Variants in ZNHIT6 observed in about 807,000 individuals in gnomAD.
ZNHIT6 encodes box C/D snoRNA protein 1.
ZNHIT6 carries 45 observed loss-of-function variants against 57.2 expected under a neutral mutation model. That is an observed-to-expected ratio of 0.79 (90% CI 0.62 to 1.01). ZNHIT6 has a LOEUF of 1.01. Ranked by LOEUF, ZNHIT6 falls within the 50% of genes least tolerant of loss-of-function variation. The probability of loss-of-function intolerance (pLI) is 0.00; values close to 1 mark genes in which losing one functional copy is unlikely to be tolerated. For synonymous variants in ZNHIT6, 188 were observed against 190.0 expected (o/e 0.99, Z 0.09); for missense variants, 528 against 567.3 (o/e 0.93, Z 0.70).
Position 85,696,652 on chromosome 1 carries a change from A to T in ZNHIT6, c.1019+5505T>A, listed in dbSNP as rs145114193. ...CTTATAACATTTTAAGATGTAATAT[A>T]CATTTTATACAATAAAATATATAAC... On this transcript the variant is annotated intron_variant, in intron 5 of 9. Transcript: ENST00000370574. Among the ~76,000 whole-genome samples, 330 of 152,222 alleles carry T rather than the reference A, an allele frequency of 2.2e-3. 7 individuals are homozygous for T. The East Asian group carries it at 0.038, about 17-fold the overall frequency.
Position 85,707,703 on chromosome 1 carries a change from C to A in ZNHIT6, c.582G>T (p.Val194=). 6.2e-7 allele frequency: 1 copy of A among 1,608,390 alleles called. No homozygotes were observed. Among genetic ancestry groups the A allele is most frequent in the South Asian group, 1.1e-5 (1 of 89,802 alleles). ...EEKDFLKKEI[V]DDTKVKEEPP... ...GCTCTTCTTTCACCTTTGTATCATC[C>A]ACGATTTCTTTCTTCAGGAAATCCT... is the stretch of plus-strand genomic sequence containing the variant. The change falls in exon 1 of 10, where the codon GTG becomes GTT. Residue 194 remains valine (V), a synonymous_variant. Coordinates refer to ENST00000370574, the MANE Select transcript of ZNHIT6 (RefSeq NM_017953.4).
rs550587121 is a variant in ZNHIT6, at chr1:85,704,818, C to T, written c.915+1260G>A. Among the ~76,000 whole-genome samples the T allele has an allele frequency of 1.1e-3, 169 of 152,128 alleles. 1 individual carries two copies. The highest frequency in any genetic ancestry group is 3.9e-3 in the African/African-American group (162 of 41,486). On this transcript the variant is annotated intron_variant, in intron 4 of 9. Transcript: ENST00000370574. ...TCCAATACTAAAATGAACACAATTC[C>T]AGGATACGATTTAATCACACCATAA...
Position 85,649,674 on chromosome 1 carries a change from C to G in ZNHIT6, c.*4384G>C, listed in dbSNP as rs1660849712. 6.6e-6 allele frequency: 1 copy of G among 152,078 alleles called. No homozygotes were observed. The highest frequency in any genetic ancestry group is 1.5e-5 in the Non-Finnish European group (1 of 68,020). The allele number at this position is 152,078 out of a possible 1,614,324, so 9.4% of individuals were successfully genotyped here. A position where few individuals can be genotyped will look rare whatever the true frequency, so the allele number is the denominator to read the frequency against. ...CAGATCCCCAAAGGTTTATTTAAAG[C>G]CAATTTTTATTTAAGTAGTCTTCAT... On this transcript the variant is annotated 3_prime_UTR_variant, in exon 10 of 10. Transcript: ENST00000370574.
intron 8 of ZNHIT6, among the ~76,000 whole-genome samples, chr1:85,671,607 G>A (rs1252678001): frequency 6.6e-6 from 1 of 152,140 alleles, no homozygotes; most frequent in Non-Finnish European, 1.5e-5. Context: ...TCAGCATGAT[G>A]TTCTAGTTGA....
chr1:85,676,459 G>A (rs1661708020), intron 8 of ZNHIT6, among the ~76,000 whole-genome samples: 1 of 152,036 alleles, frequency 6.6e-6, no homozygotes, highest in African/African-American at 2.4e-5. Context: ...ACTAGCAGGA[G>A]AGGCCTAGCT....
chr1:85,676,604 T>G (rs1176128215), intron 8 of ZNHIT6, among the ~76,000 whole-genome samples: 2 of 152,166 alleles, frequency 1.3e-5, no homozygotes, highest in Non-Finnish European at 2.9e-5. Context: ...ATTGGCCTAA[T>G]TTCAATATTA....
At chr1:85,680,776 A>G (rs1661850099) in intron 6 of ZNHIT6, 60 bp downstream of exon 6, 1 of 1,327,642 alleles carries the variant, frequency 7.5e-7, no homozygotes, top group East Asian at 2.3e-5. Flanking sequence ...TTAACAGTTT[A>G]TTTTAAATAC....
At chr1:85,694,392 T>C (rs1487133488) in intron 5 of ZNHIT6, among the ~76,000 whole-genome samples, 1 of 152,160 alleles carries the variant, frequency 6.6e-6, no homozygotes, top group Non-Finnish European at 1.5e-5. Context: ...AAAATATTGA[T>C]GACAGAATTT....
chr1:85,680,121 C>T (rs1661828950), intron 6 of ZNHIT6, among the ~76,000 whole-genome samples: 1 of 152,138 alleles, frequency 6.6e-6, no homozygotes, highest in East Asian at 1.9e-4. Context: ...AGGAGGATCA[C>T]CTGAGCCCAG....
intron 7 of ZNHIT6, among the ~76,000 whole-genome samples, chr1:85,677,978 C>T (rs746476853): frequency 6.6e-6 from 1 of 151,894 alleles, no homozygotes; most frequent in African/African-American, 2.4e-5. Flanking sequence ...TTCATATATG[C>T]TATTTCTTTT....
Position 85,702,225 on chromosome 1 carries a change from A to G in ZNHIT6, c.951T>C (p.Gly317=). The G allele has an allele frequency of 6.2e-7, 1 of 1,608,606 alleles. No homozygotes were observed. The highest frequency in any genetic ancestry group is 8.5e-7 in the Non-Finnish European group (1 of 1,178,526). ...CATTGGGTAGAAGTTTTAAGTTAAT[A>G]CCTTGCCTCCGGGCACGATTTTTCA... The part of the protein sequence containing the change: ...YFMKNRARRQ[G]INLKLLPNGF... The change falls in exon 5 of 10, where the codon GGT becomes GGC. Residue 317 remains glycine, a synonymous_variant. Transcript: ENST00000370574.
intron 8 of ZNHIT6, among the ~76,000 whole-genome samples, chr1:85,660,646 C>T (rs757840311): frequency 9.9e-5 from 15 of 151,986 alleles, no homozygotes; most frequent in Non-Finnish European, 2.1e-4. Context: ...GTAATGATTA[C>T]ACTTATTTGG....
At chr1:85,677,751 G>C (rs1458583780) in intron 7 of ZNHIT6, among the ~76,000 whole-genome samples, 1 of 152,162 alleles carries the variant, frequency 6.6e-6, no homozygotes, top group Non-Finnish European at 1.5e-5. Flanking sequence ...GATTCAATTA[G>C]AACTGGATTA....
chr1:85,672,514 G>A (rs540920934), intron 8 of ZNHIT6, among the ~76,000 whole-genome samples: 96 of 152,194 alleles, frequency 6.3e-4, no homozygotes, highest in African/African-American at 2.2e-3. Flanking sequence ...CCCTCTCCTA[G>A]TCATAGGCCA....
intron 8 of ZNHIT6, among the ~76,000 whole-genome samples, chr1:85,667,126 A>G (rs1162686069): frequency 6.6e-6 from 1 of 152,214 alleles, no homozygotes; most frequent in Non-Finnish European, 1.5e-5. Flanking sequence ...TGCAAAGAAC[A>G]TACTAAGGCT....
chr1:85,667,961 A>AAAAAAAAAAAAAATGTATATAT, intron 8 of ZNHIT6, among the ~76,000 whole-genome samples: 1 of 18,200 alleles, frequency 5.5e-5, no homozygotes, highest in African/African-American at 2.1e-4. Context: ...AAAAAAAAAA[A>AAAAAAAAAAAAAATGTATATAT]ATATATATAT....
intron 8 of ZNHIT6, among the ~76,000 whole-genome samples, chr1:85,665,176 C>T (rs746932921): frequency 3.2e-4 from 48 of 152,130 alleles, no homozygotes; most frequent in Non-Finnish European, 6.0e-4. Flanking sequence ...TAATTCAGTT[C>T]CTAACCCTAG....
intron 4 of ZNHIT6, among the ~76,000 whole-genome samples, chr1:85,702,883 G>A (rs1662576231): frequency 6.6e-6 from 1 of 152,180 alleles, no homozygotes; most frequent in African/African-American, 2.4e-5. Context: ...TATGAAGGAA[G>A]TAATACCAGA....
At chr1:85,688,558 C>T (rs1255238904) in intron 5 of ZNHIT6, among the ~76,000 whole-genome samples, 1 of 152,214 alleles carries the variant, frequency 6.6e-6, no homozygotes, top group Non-Finnish European at 1.5e-5. Flanking sequence ...TTCCCTACCT[C>T]TCACCACCAT....
Sources: gnomAD v4.1 joint callset for allele counts (sites outside exome capture counted in the v4.1 genomes callset) on GRCh38, gnomAD v4.1.1 for gene constraint, MANE v1.5 for transcripts, NCBI Gene and HGNC (gene_info 2026-07-23, HGNC 2026-07-21) for gene names.